DNAH10: variants seen among roughly 807,000 people sequenced by gnomAD.
DNAH10 encodes axonemal beta dynein heavy chain 10.
DNAH10 carries 348 observed loss-of-function variants against 506.6 expected under a neutral mutation model. That is an observed-to-expected ratio of 0.69 (90% CI 0.63 to 0.75). The LOEUF (loss-of-function observed/expected upper bound fraction) is 0.75, where lower values mean the gene tolerates loss of function less well. DNAH10 is among the 30% of genes least tolerant of loss of function. DNAH10 has a pLI of 0.00. For synonymous variants in DNAH10, 2,059 were observed against 2,198.6 expected (o/e 0.94, Z 1.78); for missense variants, 5,179 against 5,787.1 (o/e 0.89, Z 3.41).
chr12:123,802,748 A>G (rs1448267553), intron 16 of DNAH10, among the ~76,000 whole-genome samples: 1 of 110,838 alleles, frequency 9.0e-6, no homozygotes, highest in Non-Finnish European at 1.9e-5. Flanking sequence ...TTTTTTTTTT[A>G]ATTTTGGCCA....
At chr12:123,781,546 A>G (rs1594004100) in intron 6 of DNAH10, among the ~76,000 whole-genome samples, 1 of 149,340 alleles carries the variant, frequency 6.7e-6, no homozygotes, top group Admixed American at 6.6e-5. Context: ...GTTCACTGCA[A>G]CCTCCGCCCC....
intron 25 of DNAH10, among the ~76,000 whole-genome samples, chr12:123,828,615 A>G (rs1022883381): frequency 3.9e-5 from 6 of 152,132 alleles, no homozygotes; most frequent in African/African-American, 1.4e-4. Flanking sequence ...ATTAAGGTCC[A>G]CTGTTTTACT....
At chr12:123,802,970 T>C (rs555172108) in intron 16 of DNAH10, among the ~76,000 whole-genome samples, 2 of 152,326 alleles carry the variant, frequency 1.3e-5, no homozygotes, top group Non-Finnish European at 2.9e-5. Context: ...ATACTCTAGA[T>C]ACTCGTCTTT....
Position 123,913,330 on chromosome 12 carries a change from C to T in DNAH10, c.10352+15C>T, listed in dbSNP as rs199843226. On this transcript the variant is annotated intron_variant, in intron 60 of 78. Transcript: ENST00000673944. This position sits in a 1 kb window ranked among gnomAD's most constrained non-coding sequence, Gnocchi z 5.1. Reference sequence around the variant, plus strand: ...GAAAACATCAGGTTAGCGCTGCTCACGAGCCCACCTGTTGCGGTTTGTAAA... The same window carrying T: ...GAAAACATCAGGTTAGCGCTGCTCATGAGCCCACCTGTTGCGGTTTGTAAA... 4.5e-6 allele frequency: 7 copies of T among 1,565,162 alleles called. No individual in the cohort carries two copies. Among genetic ancestry groups the T allele is most frequent in the East Asian group, 4.7e-5 (2 of 42,684 alleles).
chr12:123,864,818 T>A (rs749483615), intron 40 of DNAH10, 88 bp downstream of exon 40: 1 of 1,453,846 alleles, frequency 6.9e-7, no homozygotes, highest in Non-Finnish European at 9.2e-7. Context: ...TAAATGTAGA[T>A]GATTATTTAA....
intron 5 of DNAH10, among the ~76,000 whole-genome samples, chr12:123,774,481 A>T (rs937325161): frequency 6.6e-6 from 1 of 152,218 alleles, no homozygotes; most frequent in Non-Finnish European, 1.5e-5. Flanking sequence ...GTGGGAAATC[A>T]GGTGTCTCAC....
Position 123,931,827 on chromosome 12 carries a change from T to G in DNAH10, c.13108T>G (p.Ser4370Ala). ...FNKLVVRMTK[S>A]LAELQRALAG... ...CAAGCTTGTGGTCCGGATGACGAAGTCTCTGGCTGAACTTCAAAGGGTGAG... is the reference window on the plus strand; with the variant it reads ...CAAGCTTGTGGTCCGGATGACGAAGGCTCTGGCTGAACTTCAAAGGGTGAG... Residue 4370 changes from serine (S) to alanine (A), a missense_variant, in exon 75 of 79, where the codon TCT (serine) becomes GCT (alanine). Transcript: ENST00000673944. 1 of 1,613,988 alleles carries G rather than the reference T, an allele frequency of 6.2e-7. No individual in the cohort carries two copies. Among genetic ancestry groups the G allele is most frequent in the Non-Finnish European group, 8.5e-7 (1 of 1,179,876 alleles).
chr12:123,843,696 G>A (rs1186292716), intron 30 of DNAH10, among the ~76,000 whole-genome samples: 2 of 152,146 alleles, frequency 1.3e-5, no homozygotes, highest in Non-Finnish European at 2.9e-5. Flanking sequence ...TCCTGCCTTA[G>A]ACTTCTGAGT....
intron 30 of DNAH10, among the ~76,000 whole-genome samples, chr12:123,843,093 C>T (rs780811030): frequency 3.4e-4 from 52 of 152,168 alleles, no homozygotes; most frequent in Non-Finnish European, 2.8e-4. Context: ...TAGGGCATTG[C>T]TATGTTTGGT....
intron 1 of DNAH10, among the ~76,000 whole-genome samples, chr12:123,763,750 G>C (rs140566839): frequency 6.6e-6 from 1 of 151,740 alleles, no homozygotes; most frequent in African/African-American, 2.4e-5. Context: ...TTTTGGTAGA[G>C]ACAGGTTTCA....
At chr12:123,842,520 C>A (rs190960224) in intron 30 of DNAH10, among the ~76,000 whole-genome samples, 45 of 152,292 alleles carry the variant, frequency 3.0e-4, no homozygotes, top group African/African-American at 1.0e-3. Flanking sequence ...ATGAGAACAC[C>A]ATTCTCTTGA....
chr12:123,863,385 T>G (rs758156041), intron 39 of DNAH10, among the ~76,000 whole-genome samples: 25 of 152,162 alleles, frequency 1.6e-4, no homozygotes, highest in Non-Finnish European at 3.5e-4. Flanking sequence ...GTGGAGCAAA[T>G]TACATGGTGG....
At chr12:123,886,140 T>C (rs750299319) in intron 51 of DNAH10, among the ~76,000 whole-genome samples, 9 of 152,254 alleles carry the variant, frequency 5.9e-5, no homozygotes, top group Non-Finnish European at 1.0e-4. Context: ...GGACAAGGCA[T>C]TCCCCACTGG....
chr12:123,794,252 C>T (rs965007390), intron 12 of DNAH10, 140 bp downstream of exon 12: 12 of 534,804 alleles, frequency 2.2e-5, no homozygotes, highest in Non-Finnish European at 3.0e-5. Flanking sequence ...TTACGTAATA[C>T]ACGTAACCCG....
In DNAH10 at chr12:123,918,787, G is replaced by A. The variant is rs1035894472; in HGVS notation, c.11344G>A (p.Glu3782Lys). 6.2e-7 allele frequency: 1 copy of A among 1,613,762 alleles called. No homozygotes were observed. The highest frequency in any genetic ancestry group is 1.7e-5 in the Admixed American group (1 of 60,014). ...RGAILFFVLS[E>K]MALVNSMYQY... ...GGCCATCCTGTTCTTCGTCCTGTCT[G>A]AGATGGCCCTGGTGAACTCCATGTA... The change falls in exon 65 of 79, where the codon GAG becomes AAG. Residue 3782 changes from glutamate (E) to lysine (K), a missense_variant. Physicochemically the swap from Glu to Lys is moderately conservative, Grantham distance 56. Coordinates refer to ENST00000673944, the MANE Select transcript of DNAH10 (RefSeq NM_001372106.1).
intron 19 of DNAH10, among the ~76,000 whole-genome samples, chr12:123,812,101 T>C (rs1399453620): frequency 6.6e-6 from 1 of 152,144 alleles, no homozygotes; most frequent in East Asian, 1.9e-4. Flanking sequence ...AGCATATTGT[T>C]CAGAGAACTA....
chr12:123,807,187 ACATCCATCCATC>A lies in DNAH10; in HGVS notation c.2988-1571_2988-1560del, dbSNP rs3071663. On this transcript the variant is annotated intron_variant, in intron 18 of 78. Coordinates refer to ENST00000673944, the MANE Select transcript of DNAH10 (RefSeq NM_001372106.1). ...CTCATCCATCCACACATTCATCCCC[ACATCCATCCATC>A]CATCCATCCATCCATCCATCCATCC... Among the ~76,000 whole-genome samples the A allele has an allele frequency of 6.4e-3, 926 of 145,756 alleles. 9 individuals are homozygous for A. Among genetic ancestry groups the A allele is most frequent in the African/African-American group, 0.021 (812 of 39,236 alleles).
chr12:123,863,529 G>A (rs1427117303), intron 39 of DNAH10, among the ~76,000 whole-genome samples: 1 of 152,214 alleles, frequency 6.6e-6, no homozygotes, highest in Admixed American at 6.5e-5. Flanking sequence ...GAAGGCTCTA[G>A]GGCAAATCCT....
At position 123,857,143 on chromosome 12, in the gene DNAH10, G is replaced by A. The variant is rs1951425704; in HGVS notation, c.6526G>A (p.Asp2176Asn). The A allele has an allele frequency of 1.9e-6, 3 of 1,611,636 alleles. No individual in the cohort carries two copies. Among genetic ancestry groups the A allele is most frequent in the African/African-American group, 1.3e-5 (1 of 74,802 alleles). ...DVPLFLGLISDLFPGLDCPRV... is the reference protein window; with the variant it reads ...DVPLFLGLISNLFPGLDCPRV... ...TCCTCTTTTCCTTGGTTTGATTTCG[G>A]ATCTGTTTCCTGGGCTGGACTGCCC... The change falls in exon 37 of 79, where the codon GAT (aspartate) becomes AAT (asparagine). Residue 2176 changes from aspartate (D) to asparagine (N), a missense_variant. This residue lies in a region of DNAH10 where 4,844 missense variants were observed against 5,430.5 expected (regional missense o/e 0.89). Coordinates refer to ENST00000673944, the MANE Select transcript of DNAH10 (RefSeq NM_001372106.1).
Sources: allele counts gnomAD v4.1 joint callset (sites outside exome capture counted in the v4.1 genomes callset), GRCh38; gene constraint gnomAD v4.1.1; regional missense constraint gnomAD v4.1.1; non-coding constraint Gnocchi (gnomAD v3.1); transcripts MANE v1.5; gene names NCBI Gene and HGNC (gene_info 2026-07-23, HGNC 2026-07-21).